FAM107B: variants seen among roughly 807,000 people sequenced by gnomAD.
The protein encoded by FAM107B is family with sequence similarity 107 member B.
FAM107B carries 21 observed loss-of-function variants against 31.5 expected under a neutral mutation model. The ratio of observed to expected loss-of-function variants is 0.67; its 90% confidence interval spans 0.47 to 0.96. The LOEUF (loss-of-function observed/expected upper bound fraction) is 0.96, where lower values mean the gene tolerates loss of function less well. Ranked by LOEUF, FAM107B falls within the 40% of genes least tolerant of loss-of-function variation. The probability of loss-of-function intolerance (pLI) is 0.00; values close to 1 mark genes in which losing one functional copy is unlikely to be tolerated. For missense variants in FAM107B, 452 were observed against 377.1 expected (o/e 1.20, Z -1.64); for synonymous variants, 157 against 141.5 (o/e 1.11, Z -0.78).
chr10:14,568,562 A>T (rs58998325), intron 2 of FAM107B, among the ~76,000 whole-genome samples: 36 of 124,716 alleles, frequency 2.9e-4, no homozygotes, highest in African/African-American at 1.1e-3. Flanking sequence ...TACTCAGGTA[A>T]GAGGAGGCTG....
At chr10:14,748,705 G>T (rs1411185915) in intron 1 of FAM107B, among the ~76,000 whole-genome samples, 1 of 152,252 alleles carries the variant, frequency 6.6e-6, no homozygotes, top group Non-Finnish European at 1.5e-5. Context: ...ACCAGGCTGG[G>T]TCTGCAGCAG....
intron 2 of FAM107B, among the ~76,000 whole-genome samples, chr10:14,543,292 A>G (rs1010609778): frequency 3.3e-5 from 5 of 152,210 alleles, no homozygotes; most frequent in African/African-American, 1.2e-4. Flanking sequence ...AAAAGAAAAA[A>G]AACACTTTTT....
chr10:14,534,700 G>GC (rs1218162667), intron 2 of FAM107B: 2 of 152,144 alleles, frequency 1.3e-5, no homozygotes, highest in Non-Finnish European at 2.9e-5. Context: ...AATAAATGCC[G>GC]CATCTGCCCT....
chr10:14,749,484 T>C (rs1274987583), intron 1 of FAM107B, among the ~76,000 whole-genome samples: 1 of 152,206 alleles, frequency 6.6e-6, no homozygotes, highest in Non-Finnish European at 1.5e-5. Context: ...TGTGAGTTCA[T>C]CCATTTACTA....
intron 2 of FAM107B, among the ~76,000 whole-genome samples, chr10:14,613,796 G>A (rs999735754): frequency 6.6e-6 from 1 of 152,046 alleles, no homozygotes; most frequent in Non-Finnish European, 1.5e-5. Context: ...ATTATACAAC[G>A]CTTTTCCCTC....
intron 2 of FAM107B, among the ~76,000 whole-genome samples, chr10:14,659,135 A>G (rs927366169): frequency 2.0e-5 from 3 of 152,162 alleles, no homozygotes; most frequent in African/African-American, 2.4e-5. Context: ...AAGGCCTCCC[A>G]TGAACCCTCA....
intron 2 of FAM107B, among the ~76,000 whole-genome samples, chr10:14,601,226 A>G (rs1471610333): frequency 6.6e-6 from 1 of 152,194 alleles, no homozygotes; most frequent in Non-Finnish European, 1.5e-5. Context: ...TCCATGCACC[A>G]TAACTAAATG....
At chr10:14,674,000 G>A (rs1165088461) in intron 1 of FAM107B, among the ~76,000 whole-genome samples, 2 of 151,848 alleles carry the variant, frequency 1.3e-5, no homozygotes, top group East Asian at 1.9e-4. Flanking sequence ...TTTGTTTGCT[G>A]TTGAGTTATT....
intron 2 of FAM107B, among the ~76,000 whole-genome samples, chr10:14,650,270 G>A (rs188979428): frequency 9.2e-5 from 14 of 151,888 alleles, no homozygotes; most frequent in Admixed American, 9.2e-4. Context: ...GAAAATAAAC[G>A]AATTCATTCT....
intron 1 of FAM107B, among the ~76,000 whole-genome samples, chr10:14,686,477 A>G (rs1854991492): frequency 6.6e-6 from 1 of 151,980 alleles, no homozygotes; most frequent in Admixed American, 6.6e-5. Context: ...AAGGCATTCT[A>G]AGCTTCTAAG....
At chr10:14,532,443 A>C (rs897381485) in intron 2 of FAM107B, 5 of 152,230 alleles carry the variant, frequency 3.3e-5, no homozygotes, top group African/African-American at 4.8e-5. Flanking sequence ...AAATATCTTA[A>C]ATATCACTCC....
intron 1 of FAM107B, among the ~76,000 whole-genome samples, chr10:14,735,291 A>T (rs962639823): frequency 1.8e-4 from 27 of 149,120 alleles, no homozygotes; most frequent in Non-Finnish European, 1.2e-4. Context: ...ATTTTTTGCA[A>T]TTTTTTTTTT....
At chr10:14,599,845 T>G (rs988492244) in intron 2 of FAM107B, among the ~76,000 whole-genome samples, 1 of 124,034 alleles carries the variant, frequency 8.1e-6, no homozygotes, top group African/African-American at 2.8e-5. Context: ...CTGCTATTCC[T>G]TGATCTACAA....
chr10:14,763,137 C>A (rs1184586369), intron 1 of FAM107B, among the ~76,000 whole-genome samples: 1 of 152,036 alleles, frequency 6.6e-6, no homozygotes, highest in Non-Finnish European at 1.5e-5. Context: ...TGGCAGGCAC[C>A]TGTAATCCCA....
chr10:14,670,078 TAA>T (rs536549096), intron 1 of FAM107B, among the ~76,000 whole-genome samples: 209 of 152,360 alleles, frequency 1.4e-3, no homozygotes, highest in Non-Finnish European at 2.3e-3. Flanking sequence ...AACATGTTTT[TAA>T]AAAGAAATGT....
chr10:14,714,798 G>T (rs530579880), intron 1 of FAM107B, among the ~76,000 whole-genome samples: 4 of 152,296 alleles, frequency 2.6e-5, no homozygotes, highest in African/African-American at 9.6e-5. Flanking sequence ...GGCCAGAGAA[G>T]ACAGATTAGA....
intron 2 of FAM107B, among the ~76,000 whole-genome samples, chr10:14,600,565 A>C (rs1439923057): frequency 6.6e-6 from 1 of 151,776 alleles, no homozygotes; most frequent in Non-Finnish European, 1.5e-5. Flanking sequence ...TTCACCAAGC[A>C]GTGCTTTCCC....
At chr10:14,697,232 C>G (rs891680283) in intron 1 of FAM107B, among the ~76,000 whole-genome samples, 1 of 152,204 alleles carries the variant, frequency 6.6e-6, no homozygotes, top group African/African-American at 2.4e-5. Context: ...GCCGCTTCAT[C>G]AGCTCATAGC....
At chr10:14,717,640 T>G (rs1414203403) in intron 1 of FAM107B, among the ~76,000 whole-genome samples, 1 of 152,196 alleles carries the variant, frequency 6.6e-6, no homozygotes, top group African/African-American at 2.4e-5. Flanking sequence ...ATCTTCCGCC[T>G]GCTTTGTTCT....
Sources: gnomAD v4.1 joint callset for allele counts (sites outside exome capture counted in the v4.1 genomes callset) on GRCh38, gnomAD v4.1.1 for gene constraint, MANE v1.5 for transcripts, NCBI Gene and HGNC (gene_info 2026-07-23, HGNC 2026-07-21) for gene names.